Variants in PPARGC1A observed in about 807,000 individuals in gnomAD.
The protein encoded by PPARGC1A is peroxisome proliferator-activated receptor gamma coactivator 1-alpha.
In PPARGC1A, 25 loss-of-function variants were observed where a neutral mutation model predicts 88.7. The observed-to-expected ratio is 0.28, with a 90% confidence interval of 0.21 to 0.39. The LOEUF (loss-of-function observed/expected upper bound fraction) is 0.39, where lower values mean the gene tolerates loss of function less well. Among genes scored for constraint, PPARGC1A ranks in the 10% least tolerant of loss-of-function variants. The pLI, the probability that PPARGC1A is intolerant of heterozygous loss-of-function variation, is 1.00. For synonymous variants in PPARGC1A, 363 were observed against 355.6 expected, an observed-to-expected ratio of 1.02 and a Z score of -0.24; for missense variants, 880 against 968.7, an observed-to-expected ratio of 0.91 and a Z score of 1.22.
At chr4:24,217,545 G>A in the PPARGC1A span, among the ~76,000 whole-genome samples, 2,499 of 152,288 alleles carry the variant, frequency 0.016, 82 homozygotes, top group African/African-American at 0.057. Context: ...GCTTATGTCT[G>A]TAATCCCAGC....
the PPARGC1A span, among the ~76,000 whole-genome samples, chr4:23,999,960 T>C: frequency 1.3e-5 from 2 of 151,992 alleles, no homozygotes; most frequent in Non-Finnish European, 2.9e-5. Context: ...AGGGTCGAGT[T>C]GATGAGACGC....
the PPARGC1A span, among the ~76,000 whole-genome samples, chr4:24,213,716 T>C: frequency 7.2e-5 from 11 of 152,182 alleles, no homozygotes; most frequent in Admixed American, 6.5e-4. Flanking sequence ...CATGTGTGTG[T>C]GCATGTGTTT....
the PPARGC1A span, among the ~76,000 whole-genome samples, chr4:23,923,645 A>C: frequency 6.6e-6 from 1 of 152,224 alleles, no homozygotes; most frequent in Non-Finnish European, 1.5e-5. Flanking sequence ...AAGGAAGGGA[A>C]TGTACCCTGA....
the PPARGC1A span, among the ~76,000 whole-genome samples, chr4:24,052,950 A>G: frequency 1.7e-5 from 2 of 120,050 alleles, no homozygotes; most frequent in Admixed American, 2.3e-4. Context: ...TGCAAGCTCC[A>G]CCTCCCGGGT....
At chr4:24,196,423 G>C in the PPARGC1A span, among the ~76,000 whole-genome samples, 1 of 152,252 alleles carries the variant, frequency 6.6e-6, no homozygotes, top group Non-Finnish European at 1.5e-5. Flanking sequence ...ATCAGCTAAA[G>C]AGATCTAGCA....
At chr4:24,018,347 T>C in the PPARGC1A span, among the ~76,000 whole-genome samples, 1 of 151,286 alleles carries the variant, frequency 6.6e-6, no homozygotes, top group East Asian at 1.9e-4. Flanking sequence ...ATGTCACCAG[T>C]TACTTTTTCA....
At chr4:24,448,090 A>G in the PPARGC1A span, among the ~76,000 whole-genome samples, 1 of 152,210 alleles carries the variant, frequency 6.6e-6, no homozygotes, top group Non-Finnish European at 1.5e-5. Flanking sequence ...CTAAACTTTT[A>G]TCACGCTAGA....
the PPARGC1A span, among the ~76,000 whole-genome samples, chr4:24,077,562 G>A: frequency 6.8e-6 from 1 of 147,248 alleles, no homozygotes; most frequent in Non-Finnish European, 1.5e-5. Context: ...TTTTCTTCCT[G>A]AATATTTTAG....
At chr4:24,151,226 G>C in the PPARGC1A span, among the ~76,000 whole-genome samples, 1 of 152,180 alleles carries the variant, frequency 6.6e-6, no homozygotes. Context: ...TTAGCAGGCT[G>C]GGTGGCCTAA....
the PPARGC1A span, among the ~76,000 whole-genome samples, chr4:24,427,846 C>T: frequency 2.6e-5 from 4 of 152,084 alleles, no homozygotes; most frequent in Admixed American, 6.5e-5. Flanking sequence ...TGCACTGGCT[C>T]ACACCTATAT....
At chr4:24,199,592 A>G in the PPARGC1A span, among the ~76,000 whole-genome samples, 1 of 152,208 alleles carries the variant, frequency 6.6e-6, no homozygotes, top group Non-Finnish European at 1.5e-5. Flanking sequence ...TAAGATGGCT[A>G]CATGACAATA....
At chr4:23,886,816 C>T (rs187002314) in intron 1 of PPARGC1A, among the ~76,000 whole-genome samples, 33 of 144,574 alleles carry the variant, frequency 2.3e-4, no homozygotes, top group South Asian at 2.2e-4. Flanking sequence ...ACTTTTTCAA[C>T]GGTGCAAGAT....
intron 2 of PPARGC1A, among the ~76,000 whole-genome samples, chr4:23,849,205 G>T (rs1728840761): frequency 6.6e-6 from 1 of 152,148 alleles, no homozygotes; most frequent in Non-Finnish European, 1.5e-5. Flanking sequence ...GAGACACTGA[G>T]CATAAAGAGC....
chr4:23,985,816 T>C, the PPARGC1A span, among the ~76,000 whole-genome samples: 1 of 152,066 alleles, frequency 6.6e-6, no homozygotes, highest in Non-Finnish European at 1.5e-5. Flanking sequence ...GAGTCAATTA[T>C]GCCAAAAGCA....
the PPARGC1A span, among the ~76,000 whole-genome samples, chr4:24,444,126 G>A: frequency 2.0e-5 from 3 of 151,624 alleles, no homozygotes; most frequent in Non-Finnish European, 4.4e-5. Context: ...CGCCTCCCAG[G>A]GTTCAAGCGA....
the PPARGC1A span, among the ~76,000 whole-genome samples, chr4:24,069,755 G>A: frequency 2.6e-5 from 4 of 152,338 alleles, no homozygotes. Context: ...TAAACTAGCT[G>A]AGGGAGGAGG....
At chr4:24,224,551 C>A in the PPARGC1A span, among the ~76,000 whole-genome samples, 1 of 152,150 alleles carries the variant, frequency 6.6e-6, no homozygotes, top group Non-Finnish European at 1.5e-5. Context: ...TTCGTTCACT[C>A]ATTCTGAAAA....
the PPARGC1A span, among the ~76,000 whole-genome samples, chr4:24,136,490 G>A: frequency 6.6e-6 from 1 of 152,146 alleles, no homozygotes; most frequent in Non-Finnish European, 1.5e-5. Flanking sequence ...GAGGTGAAGA[G>A]CCACAAGAAT....
upstream of PPARGC1A, among the ~76,000 whole-genome samples, chr4:23,893,387 G>A (rs1718132707): frequency 6.6e-6 from 1 of 151,998 alleles, no homozygotes; most frequent in Non-Finnish European, 1.5e-5. Context: ...AAAACAATTG[G>A]TTTTGTTGTC....
Sources: allele counts gnomAD v4.1 joint callset (sites outside exome capture counted in the v4.1 genomes callset), GRCh38; gene constraint gnomAD v4.1.1; transcripts MANE v1.5; gene names NCBI Gene and HGNC (gene_info 2026-07-23, HGNC 2026-07-21).